The following DOCK7 variants were observed in gnomAD, a reference collection of about 807,000 sequenced individuals.
DOCK7 encodes dedicator of cytokinesis 7.
DOCK7 carries 138 observed loss-of-function variants against 271.0 expected under a neutral mutation model. The observed-to-expected ratio is 0.51, with a 90% CI of 0.44 to 0.59. The LOEUF is 0.59. DOCK7 is among the 20% of genes least tolerant of loss of function. DOCK7 has a pLI of 0.00. For missense variants in DOCK7, 2,066 were observed against 2,592.4 expected, an observed-to-expected ratio of 0.80 and a Z score of 4.41; for synonymous variants, 823 against 876.1, an observed-to-expected ratio of 0.94 and a Z score of 1.07.
At chr1:62,476,339 G>A (rs1464507327) in intron 44 of DOCK7, 183 bp from the exon 45 acceptor site, 12 of 489,624 alleles carry the variant, frequency 2.5e-5, no homozygotes, top group Non-Finnish European at 4.0e-5. Context: ...GCATGGTCTC[G>A]GTCCATATTT....
At chr1:62,685,012 T>A (rs1192639823) in intron 1 of DOCK7, among the ~76,000 whole-genome samples, 1 of 152,226 alleles carries the variant, frequency 6.6e-6, no homozygotes, top group Non-Finnish European at 1.5e-5. Context: ...AACAGGCTTT[T>A]CACAGAGCAA....
rs1332395419 is a variant in DOCK7 at position 62,688,287 on chromosome 1, G to A, written c.-23C>T. ...CATGGCTGCTGCGGCGACGGCGACG[G>A]CGGCGGCGGCTGCGGCGGGCCGGGT... On this transcript the variant is annotated 5_prime_UTR_variant, in exon 1 of 50. Transcript: ENST00000635253. The A allele has an allele frequency of 4.1e-6, 5 of 1,225,734 alleles. No homozygotes were observed. Among genetic ancestry groups the A allele is most frequent in the East Asian group, 3.6e-5 (1 of 27,438 alleles). 75.9% of individuals were successfully genotyped at this position (1,225,734 alleles called of 1,614,324 possible). A position where few individuals can be genotyped will look rare whatever the true frequency, so the allele number is the denominator to read the frequency against.
intron 48 of DOCK7, among the ~76,000 whole-genome samples, chr1:62,470,545 C>A (rs1053832946): frequency 1.3e-5 from 2 of 152,162 alleles, no homozygotes; most frequent in Non-Finnish European, 2.9e-5. Flanking sequence ...AAAGAACTTA[C>A]TCCACTTTGG....
chr1:62,682,440 GTGTGAAGCACTGGAAATAAAAA>G, intron 1 of DOCK7, among the ~76,000 whole-genome samples: 1 of 152,318 alleles, frequency 6.6e-6, no homozygotes, highest in South Asian at 2.1e-4. Flanking sequence ...CATGGGATCT[GTGTGAAGCACTGGAAATAAAAA>G]GTCAAAACCA....
intron 48 of DOCK7, among the ~76,000 whole-genome samples, chr1:62,459,810 T>C (rs1481291591): frequency 1.3e-5 from 2 of 151,916 alleles, no homozygotes; most frequent in African/African-American, 2.4e-5. Context: ...TATAAAAAAA[T>C]GCTTCCAGGC....
chr1:62,480,858 C>T (rs1646100912), intron 43 of DOCK7, among the ~76,000 whole-genome samples: 1 of 151,988 alleles, frequency 6.6e-6, no homozygotes, highest in Non-Finnish European at 1.5e-5. Context: ...AAATACAAAA[C>T]ATAAGCCTGG....
chr1:62,546,554 A>C (rs1645715007), intron 22 of DOCK7, among the ~76,000 whole-genome samples: 1 of 152,132 alleles, frequency 6.6e-6, no homozygotes, highest in South Asian at 2.1e-4. Context: ...AAATGATGAG[A>C]GTGTCTCCCT....
intron 18 of DOCK7, among the ~76,000 whole-genome samples, chr1:62,569,401 G>A (rs2149464446): frequency 6.6e-6 from 1 of 152,102 alleles, no homozygotes; most frequent in South Asian, 2.1e-4. Context: ...GATCAAGTAG[G>A]CTTCAACCCC....
At chr1:62,669,670 A>G (rs756824698) in intron 1 of DOCK7, among the ~76,000 whole-genome samples, 47 of 152,366 alleles carry the variant, frequency 3.1e-4, no homozygotes, top group Non-Finnish European at 1.5e-4. Context: ...TCTCCTTACA[A>G]GGAATGAAGC....
At chr1:62,468,684 C>A (rs754124925) in intron 48 of DOCK7, among the ~76,000 whole-genome samples, 2 of 152,064 alleles carry the variant, frequency 1.3e-5, no homozygotes, top group African/African-American at 2.4e-5. Flanking sequence ...CTCCAAAAAG[C>A]TTCTAGAACT....
chr1:62,580,368 T>A (rs1748200), intron 16 of DOCK7, among the ~76,000 whole-genome samples: 1 of 151,882 alleles, frequency 6.6e-6, no homozygotes, highest in South Asian at 2.1e-4. Flanking sequence ...AAATCACCAC[T>A]GAATTATGAG....
intron 48 of DOCK7, among the ~76,000 whole-genome samples, chr1:62,461,281 A>C: frequency 6.6e-6 from 1 of 152,178 alleles, no homozygotes. Flanking sequence ...GATTCTACAG[A>C]TAAATTATTA....
chr1:62,647,148 A>G (rs762810015), intron 7 of DOCK7, among the ~76,000 whole-genome samples: 22 of 152,230 alleles, frequency 1.4e-4, no homozygotes, highest in Non-Finnish European at 3.1e-4. Flanking sequence ...AGTCAGAACA[A>G]ATAATTAAAC....
Position 62,552,751 on chromosome 1 carries a change from C to T in DOCK7, c.2747G>A (p.Arg916Gln), listed in dbSNP as rs781276473. 7 of 1,611,470 alleles carry T rather than the reference C, an allele frequency of 4.3e-6. No individual in the cohort carries two copies. The highest frequency in any genetic ancestry group is 4.0e-5 in the African/African-American group (3 of 74,802). Residue 916 changes from arginine to glutamine, a missense_variant, in exon 22 of 50, where the codon CGA (arginine) becomes CAA (glutamine). By Grantham distance (43) the Arg-to-Gln change is conservative. Around this residue, in one of 2 missense-constraint regions of DOCK7, gnomAD observed 1,414 missense variants for 1,670.4 expected, o/e 0.85. Transcript: ENST00000635253. Reference protein sequence around the residue: ...GTPTSPDDEVRSIIGSKGLDR... With the variant: ...GTPTSPDDEVQSIIGSKGLDR... ...GTTTACCTTACTCCCGATGATTGATCGAACTTCATCATCTGGTGACGTGGG... is the reference window on the plus strand; with the variant it reads ...GTTTACCTTACTCCCGATGATTGATTGAACTTCATCATCTGGTGACGTGGG...
intron 12 of DOCK7, 125 bp downstream of exon 12, chr1:62,625,134 C>A: frequency 1.3e-6 from 1 of 771,808 alleles, no homozygotes. Flanking sequence ...TATTTTTATT[C>A]TTAAAGTTTT....
At chr1:62,566,617 A>G (rs563452463) in intron 18 of DOCK7, among the ~76,000 whole-genome samples, 81 of 152,322 alleles carry the variant, frequency 5.3e-4, no homozygotes, top group African/African-American at 1.8e-3. Flanking sequence ...AGGCAATACC[A>G]TTCAGGACAT....
At chr1:62,481,356 T>C (rs1646120882) in intron 43 of DOCK7, 1 of 152,168 alleles carries the variant, frequency 6.6e-6, no homozygotes, top group South Asian at 2.1e-4. Flanking sequence ...GGGATGAGGC[T>C]AGAGAGAAAG....
intron 48 of DOCK7, among the ~76,000 whole-genome samples, chr1:62,473,648 A>T (rs1309746332): frequency 1.3e-5 from 2 of 151,994 alleles, no homozygotes; most frequent in Non-Finnish European, 1.5e-5. Context: ...TGCAGTGTAC[A>T]ATCATAGTTT....
At position 62,495,923 on chromosome 1, in the gene DOCK7, G is replaced by GT. The variant is rs1457469492; in HGVS notation, c.4924-243dup. The GT allele has an allele frequency of 1.5e-5, 6 of 405,404 alleles. No individual in the cohort carries two copies. In the East Asian group the frequency reaches 2.3e-4, roughly 16 times the overall value. 25.1% of individuals were successfully genotyped at this position (405,404 alleles called of 1,614,324 possible). A position where few individuals can be genotyped will look rare whatever the true frequency, so the allele number is the denominator to read the frequency against. ...CTTTCACCTGGAAACAAGCAGAACT[G>GT]TAAGTAGAAATAAAACAGAGGGATA... is the stretch of plus-strand genomic sequence containing the variant. On this transcript the variant is annotated intron_variant, in intron 38 of 49. Coordinates refer to ENST00000635253, the MANE Select transcript of DOCK7 (RefSeq NM_001367561.1).
Sources: gnomAD v4.1 joint callset for allele counts (sites outside exome capture counted in the v4.1 genomes callset) on GRCh38, gnomAD v4.1.1 for gene constraint, gnomAD v4.1.1 regional missense constraint, MANE v1.5 for transcripts, NCBI Gene and HGNC (gene_info 2026-07-23, HGNC 2026-07-21) for gene names.